PPM1H: variants seen among roughly 807,000 people sequenced by gnomAD.
PPM1H encodes the protein protein phosphatase 1H.
A neutral mutation model predicts 54.9 loss-of-function variants in PPM1H; 27 were observed. That is an observed-to-expected ratio of 0.49 (90% CI 0.36 to 0.68). The LOEUF (loss-of-function observed/expected upper bound fraction) is 0.68, where lower values mean the gene tolerates loss of function less well. PPM1H is among the 30% of genes least tolerant of loss of function. The pLI, the probability that PPM1H is intolerant of heterozygous loss-of-function variation, is 0.00. For synonymous variants in PPM1H, 305 were observed against 270.8 expected (o/e 1.13, Z -1.24); for missense variants, 596 against 667.8 (o/e 0.89, Z 1.19).
intron 2 of PPM1H, among the ~76,000 whole-genome samples, chr12:62,823,431 G>T (rs2076916464): frequency 6.6e-6 from 1 of 152,150 alleles, no homozygotes; most frequent in South Asian, 2.1e-4. Context: ...GCCTGGCAGA[G>T]AGAGACACAA....
intron 1 of PPM1H, among the ~76,000 whole-genome samples, chr12:62,882,165 T>C (rs1465996610): frequency 6.6e-6 from 1 of 152,270 alleles, no homozygotes; most frequent in Non-Finnish European, 1.5e-5. Context: ...GGTGATGAAC[T>C]CTGTGTATTG....
chr12:62,756,715 A>G (rs544549646), intron 4 of PPM1H, among the ~76,000 whole-genome samples: 22 of 152,094 alleles, frequency 1.4e-4, no homozygotes, highest in Non-Finnish European at 2.9e-5. Context: ...GGGGAAAAGA[A>G]GGAGGGCACT....
At chr12:62,713,252 G>C (rs1253234033) in intron 6 of PPM1H, among the ~76,000 whole-genome samples, 7 of 152,132 alleles carry the variant, frequency 4.6e-5, no homozygotes, top group Non-Finnish European at 8.8e-5. Context: ...ACAGTGGAAA[G>C]GGTTGGAAGC....
At chr12:62,803,555 C>A (rs1357168289) in intron 2 of PPM1H, among the ~76,000 whole-genome samples, 1 of 151,828 alleles carries the variant, frequency 6.6e-6, no homozygotes, top group Non-Finnish European at 1.5e-5. Context: ...CTCAAAATAG[C>A]CTAAAGACTT....
rs992628574 is a variant in PPM1H at position 62,712,168 on chromosome 12, A to T, written c.1073+8003T>A. On this transcript the variant is annotated intron_variant, in intron 6 of 9. Coordinates refer to ENST00000228705, the MANE Select transcript of PPM1H (RefSeq NM_020700.2). ...GGACTCCAGCCCCGTTGGAATTTGGAACACAGGGACTTTTCAGGTGCCTAA... is the reference window on the plus strand; with the variant it reads ...GGACTCCAGCCCCGTTGGAATTTGGTACACAGGGACTTTTCAGGTGCCTAA... Among the ~76,000 whole-genome samples the T allele has an allele frequency of 4.6e-5, 7 of 152,238 alleles. No homozygotes were observed. The South Asian group carries it at 6.2e-4, about 14-fold the overall frequency.
intron 5 of PPM1H, among the ~76,000 whole-genome samples, chr12:62,732,657 T>C (rs1367772974): frequency 2.0e-5 from 3 of 151,320 alleles, no homozygotes; most frequent in Non-Finnish European, 2.9e-5. Context: ...CTGCAAGTTC[T>C]GCCTCCCGGG....
intron 2 of PPM1H, among the ~76,000 whole-genome samples, chr12:62,831,384 C>T (rs1026271705): frequency 6.6e-6 from 1 of 152,130 alleles, no homozygotes; most frequent in East Asian, 1.9e-4. Context: ...TTCTTCAGAG[C>T]TTTCTGAGGA....
chr12:62,704,216 G>A (rs342179), intron 6 of PPM1H, among the ~76,000 whole-genome samples: 102,840 of 152,000 alleles, frequency 0.68, 36,800 homozygotes, highest in African/African-American at 0.91. Flanking sequence ...CTCAAGTCAG[G>A]GTTGTGGAGC....
intron 8 of PPM1H, among the ~76,000 whole-genome samples, chr12:62,672,583 T>G (rs567559010): frequency 8.1e-4 from 124 of 152,338 alleles, no homozygotes; most frequent in African/African-American, 2.8e-3. Context: ...GGAATTCTGA[T>G]GCAAGTGGTG....
intron 1 of PPM1H, among the ~76,000 whole-genome samples, chr12:62,857,827 C>T (rs960688332): frequency 2.0e-5 from 3 of 152,070 alleles, no homozygotes; most frequent in African/African-American, 7.2e-5. Flanking sequence ...ATATTGTGCA[C>T]ATTATATTTT....
At chr12:62,746,055 C>T (rs934548598) in intron 4 of PPM1H, among the ~76,000 whole-genome samples, 14 of 151,972 alleles carry the variant, frequency 9.2e-5, no homozygotes, top group Admixed American at 8.5e-4. Flanking sequence ...ATTAGCCAGG[C>T]GTTGTGGTAC....
intron 1 of PPM1H, among the ~76,000 whole-genome samples, chr12:62,891,260 A>G (rs1312661400): frequency 6.6e-6 from 1 of 152,162 alleles, no homozygotes; most frequent in Non-Finnish European, 1.5e-5. Context: ...CCTATATGGG[A>G]AACTCCATAA....
chr12:62,926,721 G>A (rs761926311), intron 1 of PPM1H, among the ~76,000 whole-genome samples: 7 of 152,124 alleles, frequency 4.6e-5, no homozygotes, highest in South Asian at 2.1e-4. Context: ...TTGGGAGGCC[G>A]AGGTGGGCGG....
At chr12:62,922,311 C>T (rs1871824446) in intron 1 of PPM1H, among the ~76,000 whole-genome samples, 1 of 147,958 alleles carries the variant, frequency 6.8e-6, no homozygotes, top group African/African-American at 2.5e-5. Flanking sequence ...CCTTATGTGG[C>T]ATTTTGTTTA....
chr12:62,870,742 A>G (rs571407502), intron 1 of PPM1H, among the ~76,000 whole-genome samples: 2 of 152,254 alleles, frequency 1.3e-5, no homozygotes, highest in East Asian at 1.9e-4. Flanking sequence ...CTTATAGAAC[A>G]TACGGACAAA....
intron 5 of PPM1H, among the ~76,000 whole-genome samples, chr12:62,721,602 G>A (rs1404020153): frequency 6.6e-6 from 1 of 152,182 alleles, no homozygotes; most frequent in Admixed American, 6.5e-5. Context: ...GTTTTACAGA[G>A]AGGTTCTCCT....
chr12:62,658,034 G>A (rs12810143), intron 9 of PPM1H, among the ~76,000 whole-genome samples: 1 of 141,482 alleles, frequency 7.1e-6, no homozygotes, highest in Non-Finnish European at 1.5e-5. Flanking sequence ...CAGGGAGACA[G>A]AGGGTCATTA....
At chr12:62,670,925 C>T (rs970213034) in intron 8 of PPM1H, among the ~76,000 whole-genome samples, 10 of 152,136 alleles carry the variant, frequency 6.6e-5, no homozygotes, top group African/African-American at 1.9e-4. Flanking sequence ...ACTTACAACT[C>T]GTGTCCTATA....
At chr12:62,920,322 T>C (rs1033820159) in intron 1 of PPM1H, among the ~76,000 whole-genome samples, 20 of 152,182 alleles carry the variant, frequency 1.3e-4, no homozygotes, top group Non-Finnish European at 2.2e-4. Context: ...ATCCTCTTTT[T>C]AAAATTGCTT....
Sources: gnomAD v4.1 joint callset for allele counts (sites outside exome capture counted in the v4.1 genomes callset) on GRCh38, gnomAD v4.1.1 for gene constraint, MANE v1.5 for transcripts, NCBI Gene and HGNC (gene_info 2026-07-23, HGNC 2026-07-21) for gene names.